SNTG2: variants seen among roughly 807,000 people sequenced by gnomAD.
The protein encoded by SNTG2 is syntrophin gamma 2.
In SNTG2, 74 loss-of-function variants were observed where a neutral mutation model predicts 70.9. That is an observed-to-expected ratio of 1.04 (90% confidence interval 0.86 to 1.27). The LOEUF is 1.27. SNTG2 is among the 50% of genes most tolerant of loss of function. The pLI is 0.00. For missense variants in SNTG2, 717 were observed against 690.7 expected (o/e 1.04, Z -0.43); for synonymous variants, 278 against 273.8 (o/e 1.02, Z -0.15).
chr2:980,898 G>T (rs531063900), intron 1 of SNTG2, among the ~76,000 whole-genome samples: 1 of 152,140 alleles, frequency 6.6e-6, no homozygotes. Context: ...CTAGGACCTC[G>T]TAAATTCTGA....
chr2:1,152,286 T>C (rs1379591057), intron 6 of SNTG2, among the ~76,000 whole-genome samples: 2 of 152,188 alleles, frequency 1.3e-5, no homozygotes, highest in South Asian at 2.1e-4. Context: ...ATAGCTGATA[T>C]AGGATTGGTT....
intron 1 of SNTG2, among the ~76,000 whole-genome samples, chr2:975,046 T>C (rs1660864464): frequency 1.3e-5 from 2 of 152,128 alleles, no homozygotes; most frequent in Non-Finnish European, 2.9e-5. Flanking sequence ...ACACTTGCAC[T>C]CACTCACACC....
chr2:1,031,528 A>ATATATATATATATATATATATTTTTTTT, intron 1 of SNTG2, among the ~76,000 whole-genome samples: 8 of 59,104 alleles, frequency 1.4e-4, no homozygotes, highest in Non-Finnish European at 1.6e-4. Context: ...ATATATATAT[A>ATATATATATATATATATATATTTTTTTT]TTTTTTTTTT....
chr2:1,168,265 C>T (rs1037745259), intron 7 of SNTG2, among the ~76,000 whole-genome samples: 202 of 147,032 alleles, frequency 1.4e-3, no homozygotes, highest in African/African-American at 4.5e-3. Flanking sequence ...CGCCCACAGA[C>T]GGCAGAACTG....
rs1281447098 is a variant in SNTG2 at position 1,209,203 on chromosome 2, G to A, written c.692G>A (p.Arg231Lys). ...CCTCTGTCCATGGCTCGCATCTCAA[G>A]GTACAAAGCCGGAACGGAAAAATTA... is the stretch of plus-strand genomic sequence containing the variant. ...SVPLSMARIS[R>K]YKAGTEKLRW... Residue 231 changes from arginine to lysine, a missense_variant, in exon 9 of 17, where the codon AGG (arginine) becomes AAG (lysine). Coordinates refer to ENST00000308624, the MANE Select transcript of SNTG2 (RefSeq NM_018968.4). 2 of 1,613,940 alleles carry A rather than the reference G, an allele frequency of 1.2e-6. No individual in the cohort carries two copies. Among genetic ancestry groups the A allele is most frequent in the South Asian group, 2.2e-5 (2 of 91,076 alleles).
intron 16 of SNTG2, among the ~76,000 whole-genome samples, chr2:1,319,408 A>G (rs141769976): frequency 2.6e-5 from 4 of 152,244 alleles, no homozygotes; most frequent in African/African-American, 9.6e-5. Context: ...CTTAGAAATG[A>G]GTGTAGGGCA....
At chr2:1,114,588 A>G (rs1049481566) in intron 4 of SNTG2, among the ~76,000 whole-genome samples, 25 of 148,920 alleles carry the variant, frequency 1.7e-4, no homozygotes, top group African/African-American at 6.2e-4. Context: ...GAGTCCTTTG[A>G]GGAGGATCGT....
chr2:1,068,463 A>G (rs1663302520), intron 1 of SNTG2: 1 of 152,234 alleles, frequency 6.6e-6, no homozygotes, highest in African/African-American at 2.4e-5. Flanking sequence ...CTGTTATTGC[A>G]GCTGCTGGCC....
In SNTG2 at chr2:1,029,040, G is replaced by C. The variant is rs564069811; in HGVS notation, c.73-54478G>C. Among the ~76,000 whole-genome samples, 156 of 152,264 alleles carry C rather than the reference G, an allele frequency of 1.0e-3. 1 individual carries two copies. Among genetic ancestry groups the C allele is most frequent in the Middle Eastern group, 6.8e-3 (2 of 294 alleles). On this transcript the variant is annotated intron_variant, in intron 1 of 16. Transcript: ENST00000308624. ...CTGGAGTGTGGCTTCAGGCAGGATC[G>C]GGAGGGGCTCCGGCGGCCTGGACAG...
chr2:994,378 A>G (rs911496592), intron 1 of SNTG2, among the ~76,000 whole-genome samples: 2 of 152,060 alleles, frequency 1.3e-5, no homozygotes, highest in Non-Finnish European at 2.9e-5. Flanking sequence ...CTATTTTTAT[A>G]AAGCTATGTT....
chr2:1,323,266 C>T (rs763143403), intron 16 of SNTG2, among the ~76,000 whole-genome samples: 1 of 152,206 alleles, frequency 6.6e-6, no homozygotes, highest in Non-Finnish European at 1.5e-5. Flanking sequence ...GCTTGGAGCT[C>T]AGTGGCTTTT....
At chr2:1,118,284 A>G (rs1667166125) in intron 4 of SNTG2, among the ~76,000 whole-genome samples, 1 of 151,570 alleles carries the variant, frequency 6.6e-6, no homozygotes, top group African/African-American at 2.4e-5. Context: ...CTCAGCTGAG[A>G]CTCCCCTCTA....
chr2:1,263,807 T>C (rs1163516452), intron 13 of SNTG2, among the ~76,000 whole-genome samples: 1 of 152,228 alleles, frequency 6.6e-6, no homozygotes, highest in African/African-American at 2.4e-5. Context: ...CACGATTCCA[T>C]TTCACAGCTC....
chr2:956,594 C>T (rs776501491), intron 1 of SNTG2, among the ~76,000 whole-genome samples: 30 of 152,386 alleles, frequency 2.0e-4, no homozygotes, highest in Non-Finnish European at 3.2e-4. Flanking sequence ...CCGGCCCACC[C>T]GTGGCTGTGA....
chr2:1,137,610 G>C lies in SNTG2; in HGVS notation c.326-12G>C. On this transcript the variant is annotated splice_polypyrimidine_tract_variant and intron_variant, in intron 4 of 16. Coordinates refer to ENST00000308624, the MANE Select transcript of SNTG2 (RefSeq NM_018968.4). The stretch of plus-strand genomic sequence containing the variant: ...TTCTCTTAAAACTGTTGCCACTTTT[G>C]CCACCCTGCAGCTGACCAGACAGGG... 6.2e-7 allele frequency: 1 copy of C among 1,611,850 alleles called. No individual in the cohort carries two copies. The highest frequency in any genetic ancestry group is 8.5e-7 in the Non-Finnish European group (1 of 1,179,256).
At chr2:1,240,654 G>A (rs1441994247) in intron 11 of SNTG2, among the ~76,000 whole-genome samples, 2 of 152,134 alleles carry the variant, frequency 1.3e-5, no homozygotes, top group Non-Finnish European at 2.9e-5. Flanking sequence ...TTGAATTCAC[G>A]ATGGAGGACT....
At chr2:1,022,108 T>TA (rs1476289805) in intron 1 of SNTG2, among the ~76,000 whole-genome samples, 3 of 152,076 alleles carry the variant, frequency 2.0e-5, no homozygotes, top group Non-Finnish European at 4.4e-5. Context: ...AAGTTATGAA[T>TA]AGAGCACAGA....
At chr2:1,024,653 C>T (rs1219624106) in intron 1 of SNTG2, among the ~76,000 whole-genome samples, 1 of 152,206 alleles carries the variant, frequency 6.6e-6, no homozygotes, top group Non-Finnish European at 1.5e-5. Context: ...GGATTACAGG[C>T]ATGAGCCACC....
At chr2:1,164,965 G>C (rs1487885303) in intron 6 of SNTG2, among the ~76,000 whole-genome samples, 1 of 152,174 alleles carries the variant, frequency 6.6e-6, no homozygotes, top group Non-Finnish European at 1.5e-5. Flanking sequence ...TTAAACAATG[G>C]CAAATACATT....
Sources: allele counts gnomAD v4.1 joint callset (sites outside exome capture counted in the v4.1 genomes callset), GRCh38; gene constraint gnomAD v4.1.1; transcripts MANE v1.5; gene names NCBI Gene and HGNC (gene_info 2026-07-23, HGNC 2026-07-21).